UGT1A6: variants seen among roughly 807,000 people sequenced by gnomAD.
UGT1A6 encodes the protein UDP-glucuronosyltransferase 1A6.
In UGT1A6, 32 loss-of-function variants were observed where a neutral mutation model predicts 44.4. That is an observed-to-expected ratio of 0.72 (90% CI 0.54 to 0.97). The LOEUF (loss-of-function observed/expected upper bound fraction) is 0.97. Ranked by LOEUF, UGT1A6 falls within the 50% of genes least tolerant of loss-of-function variation. The probability of loss-of-function intolerance (pLI) is 0.00; values close to 1 mark genes in which losing one functional copy is unlikely to be tolerated. For missense variants in UGT1A6, 685 were observed against 661.9 expected (o/e 1.03, Z -0.38); for synonymous variants, 238 against 248.5 (o/e 0.96, Z 0.40).
At chr2:233,742,777 T>A (rs1286853753) in intron 1 of UGT1A6, 2 of 153,196 alleles carry the variant, frequency 1.3e-5, no homozygotes, top group African/African-American at 4.8e-5. Context: ...CATGTTGTTT[T>A]GAACCATCAT....
rs1354491814 is a variant in UGT1A6 at position 233,754,735 on chromosome 2, A to G, written c.862-12299A>G. 4.6e-6 allele frequency: 3 copies of G among 652,332 alleles called. No homozygotes were observed. In the Admixed American group the frequency reaches 7.0e-5, roughly 15 times the overall value. The allele number at this position is 652,332 out of a possible 1,614,324, so 40.4% of individuals were successfully genotyped here. ...AAGCTGCCTGTCCCATCACTACCGT[A>G]GGACATGCAGAAGGAAGAAAGGCCC... On this transcript the variant is annotated intron_variant, in intron 1 of 4. Transcript: ENST00000305139.
intron 1 of UGT1A6, chr2:233,743,543 C>G: frequency 7.3e-7 from 1 of 1,367,070 alleles, no homozygotes; most frequent in Non-Finnish European, 9.8e-7. Context: ...TTCCTCTGAC[C>G]CCCCCAAAAT....
At chr2:233,761,196 T>G (rs761284519) in intron 1 of UGT1A6, 1 of 1,614,142 alleles carries the variant, frequency 6.2e-7, no homozygotes. Context: ...TTCTTTCAGA[T>G]GTATTACTTT....
At chr2:233,738,331 A>G (rs1320922630) in intron 1 of UGT1A6, among the ~76,000 whole-genome samples, 1 of 152,220 alleles carries the variant, frequency 6.6e-6, no homozygotes, top group African/African-American at 2.4e-5. Context: ...GGACTAATAC[A>G]GTAAATTGGT....
At chr2:233,755,824 A>G (rs764510455) in intron 1 of UGT1A6, 1 of 152,240 alleles carries the variant, frequency 6.6e-6, no homozygotes, top group Admixed American at 6.5e-5. Context: ...TTAAAAAGAC[A>G]TATTCATTGG....
chr2:233,715,991 A>G (rs1360718293), intron 1 of UGT1A6, among the ~76,000 whole-genome samples: 1 of 152,166 alleles, frequency 6.6e-6, no homozygotes, highest in Non-Finnish European at 1.5e-5. Context: ...AAAACACAAC[A>G]AAACCCAAAA....
chr2:233,695,895 G>A (rs904649392), intron 1 of UGT1A6, among the ~76,000 whole-genome samples: 2 of 152,170 alleles, frequency 1.3e-5, no homozygotes, highest in African/African-American at 4.8e-5. Flanking sequence ...GTGAACAAAT[G>A]TGTGGGGTTT....
intron 1 of UGT1A6, among the ~76,000 whole-genome samples, chr2:233,697,374 A>G (rs1382201272): frequency 6.6e-6 from 1 of 152,066 alleles, no homozygotes; most frequent in Non-Finnish European, 1.5e-5. Context: ...TATAGAGTTC[A>G]CAATAATCGC....
In UGT1A6 at chr2:233,772,749, G is replaced by T. The variant is rs901299936; in HGVS notation, c.*190G>T. The T allele has an allele frequency of 1.4e-6, 2 of 1,420,114 alleles. No individual in the cohort carries two copies. The highest frequency in any genetic ancestry group is 1.8e-6 in the Non-Finnish European group (2 of 1,083,638). The allele number at this position is 1,420,114 out of a possible 1,614,324, so 88.0% of individuals were successfully genotyped here. A position where few individuals can be genotyped will look rare whatever the true frequency, so the allele number is the denominator to read the frequency against. On this transcript the variant is annotated 3_prime_UTR_variant, in exon 5 of 5. Coordinates refer to ENST00000305139, the MANE Select transcript of UGT1A6 (RefSeq NM_001072.4). ...GACTCGCTAGTCAGTAAAGATATTTGAATATGTATCGTGCCCCCTCTGGTG... is the reference window on the plus strand; with the variant it reads ...GACTCGCTAGTCAGTAAAGATATTTTAATATGTATCGTGCCCCCTCTGGTG...
intron 1 of UGT1A6, 58 bp downstream of exon 1, chr2:233,693,923 A>T (rs1415747588): frequency 1.6e-5 from 26 of 1,609,250 alleles, no homozygotes; most frequent in Non-Finnish European, 2.2e-5. Flanking sequence ...GTCCTCCCTC[A>T]CTCATTTGGC....
downstream of UGT1A6, chr2:233,773,300 AT>A (rs1228991632): frequency 6.6e-6 from 1 of 152,190 alleles, no homozygotes; most frequent in Non-Finnish European, 1.5e-5. Context: ...TATAAATTCT[AT>A]TTAAGTGTTT....
Position 233,772,460 on chromosome 2 carries a change from A to C in UGT1A6, c.1500A>C (p.Thr500=), listed in dbSNP as rs1435465707. Residue 500 remains threonine (T), a synonymous_variant, in exon 5 of 5, where the codon ACA becomes ACC. Transcript: ENST00000305139. The part of the protein sequence containing the change: ...VIGFLLAVVL[T]VAFITFKCCA... Reference sequence around the variant, plus strand: ...GTTTCCTCTTGGCCGTCGTGCTGACAGTGGCCTTCATCACCTTTAAATGTT... The same window carrying C: ...GTTTCCTCTTGGCCGTCGTGCTGACCGTGGCCTTCATCACCTTTAAATGTT... 6.2e-7 allele frequency: 1 copy of C among 1,614,184 alleles called. No individual in the cohort carries two copies. Among genetic ancestry groups the C allele is most frequent in the Non-Finnish European group, 8.5e-7 (1 of 1,180,034 alleles).
At chr2:233,730,076 AT>A (rs1473857752) in intron 1 of UGT1A6, 33 of 1,607,120 alleles carry the variant, frequency 2.1e-5, no homozygotes, top group Non-Finnish European at 2.4e-5. Flanking sequence ...TTGCTTCCAT[AT>A]TTACTTATCT....
At chr2:233,763,733 T>C (rs528064995) in intron 1 of UGT1A6, among the ~76,000 whole-genome samples, 4 of 152,330 alleles carry the variant, frequency 2.6e-5, no homozygotes, top group South Asian at 4.1e-4. Flanking sequence ...CAACCTGGCA[T>C]TGGCGTGTCT....
chr2:233,714,306 T>C (rs1288766736), intron 1 of UGT1A6, among the ~76,000 whole-genome samples: 1 of 152,124 alleles, frequency 6.6e-6, no homozygotes, highest in East Asian at 1.9e-4. Context: ...TTGCAAAAGA[T>C]AGAGAGGTGA....
At position 233,767,811 on chromosome 2, in the gene UGT1A6, G is replaced by C. The variant is rs887887266; in HGVS notation, c.994-38G>C. 1.2e-5 allele frequency: 19 copies of C among 1,614,006 alleles called. No individual in the cohort carries two copies. In the Admixed American group the frequency reaches 2.8e-4, roughly 24 times the overall value. On this transcript the variant is annotated intron_variant, in intron 2 of 4. Coordinates refer to ENST00000305139, the MANE Select transcript of UGT1A6 (RefSeq NM_001072.4). ...CAGATTTGTTTTCTAATCATATTAT[G>C]TTCTTTCTTTACGTTCTGCTCTTTT...
At chr2:233,704,449 C>T (rs1211739225) in intron 1 of UGT1A6, among the ~76,000 whole-genome samples, 2 of 152,034 alleles carry the variant, frequency 1.3e-5, no homozygotes, top group Non-Finnish European at 2.9e-5. Context: ...AAATGTCATT[C>T]CTATATAGCT....
intron 1 of UGT1A6, chr2:233,721,804 A>G: frequency 1.9e-6 from 1 of 514,924 alleles, no homozygotes; most frequent in South Asian, 1.4e-5. Flanking sequence ...CACATGCAGC[A>G]AAAATCCAGC....
intron 1 of UGT1A6, among the ~76,000 whole-genome samples, chr2:233,752,750 C>CAA (rs1695052572): frequency 6.6e-6 from 1 of 151,980 alleles, no homozygotes; most frequent in Non-Finnish European, 1.5e-5. Context: ...GTCTCTAAAA[C>CAA]AAACAAACAA....
Sources: gnomAD v4.1 joint callset for allele counts (sites outside exome capture counted in the v4.1 genomes callset) on GRCh38, gnomAD v4.1.1 for gene constraint, MANE v1.5 for transcripts, NCBI Gene and HGNC (gene_info 2026-07-23, HGNC 2026-07-21) for gene names.